The following PROM1 variants were observed in gnomAD, a reference collection of about 807,000 sequenced individuals.
The protein encoded by PROM1 is prominin 1.
A neutral mutation model predicts 116.9 loss-of-function variants in PROM1; 105 were observed. The observed-to-expected ratio is 0.90, with a 90% CI of 0.77 to 1.06. PROM1 has a LOEUF of 1.06. Among genes scored for constraint, PROM1 ranks in the 50% least tolerant of loss-of-function variants. PROM1 has a pLI of 0.00. For synonymous variants in PROM1, 393 were observed against 387.0 expected (o/e 1.02, Z -0.18); for missense variants, 1,122 against 1,045.2 (o/e 1.07, Z -1.01).
Position 16,013,130 on chromosome 4 carries a change from T to C in PROM1, c.1141+145A>G, listed in dbSNP as rs538432742. ...GTTTTTAACTGTCCGAATGACACAA[T>C]TGTAAAGCTCTGATATTTGTTTAGT... On this transcript the variant is annotated intron_variant, in intron 11 of 27. Coordinates refer to ENST00000447510, the MANE Select transcript of PROM1 (RefSeq NM_006017.3). The C allele has an allele frequency of 2.9e-3, 1,906 of 657,624 alleles. 28 individuals are homozygous for C. The highest frequency in any genetic ancestry group is 0.013 in the South Asian group (609 of 46,822). 40.7% of individuals were successfully genotyped at this position (657,624 alleles called of 1,614,324 possible). A position where few individuals can be genotyped will look rare whatever the true frequency, so the allele number is the denominator to read the frequency against.
intron 2 of PROM1, among the ~76,000 whole-genome samples, chr4:16,075,221 T>G (rs1743697645): frequency 6.6e-6 from 1 of 152,196 alleles, no homozygotes. Flanking sequence ...TAAACATGTT[T>G]GTCCTTACCC....
intron 5 of PROM1, among the ~76,000 whole-genome samples, chr4:16,030,978 G>A (rs909893150): frequency 2.6e-5 from 4 of 152,202 alleles, no homozygotes; most frequent in Non-Finnish European, 4.4e-5. Flanking sequence ...CCCGGGAGGC[G>A]GAGGTTGGAG....
chr4:15,973,557 T>A (rs1715236660), intron 26 of PROM1, among the ~76,000 whole-genome samples: 1 of 152,164 alleles, frequency 6.6e-6, no homozygotes, highest in Admixed American at 6.5e-5. Context: ...CCCCATGGTG[T>A]TTTTTTCTCC....
intron 13 of PROM1, among the ~76,000 whole-genome samples, chr4:16,005,872 C>T (rs542570492): frequency 1.3e-5 from 2 of 152,340 alleles, no homozygotes; most frequent in South Asian, 2.1e-4. Flanking sequence ...GCTCTGGCCC[C>T]GGTTGCACCT....
At chr4:15,977,651 T>G (rs1361158803) in intron 26 of PROM1, among the ~76,000 whole-genome samples, 1 of 152,230 alleles carries the variant, frequency 6.6e-6, no homozygotes, top group Admixed American at 6.5e-5. Context: ...CAGGCTGGAA[T>G]GCAGTGGCAC....
chr4:16,035,764 G>A lies in PROM1; in HGVS notation c.277-3C>T, dbSNP rs771004031. On this transcript the variant is annotated splice_polypyrimidine_tract_variant and splice_region_variant and intron_variant, in intron 3 of 27. Coordinates refer to ENST00000447510, the MANE Select transcript of PROM1 (RefSeq NM_006017.3). ...AGACCTAAGATTACAGTTTCTGGCT[G>A]TAGAAGTCAACGCAGGTGAGGAATT... 1.9e-6 allele frequency: 3 copies of A among 1,613,424 alleles called. No individual in the cohort carries two copies. Among genetic ancestry groups the A allele is most frequent in the Non-Finnish European group, 2.5e-6 (3 of 1,179,494 alleles).
chr4:15,990,499 C>G (rs73122437), intron 18 of PROM1, among the ~76,000 whole-genome samples: 1,543 of 152,282 alleles, frequency 0.01, 38 homozygotes, highest in African/African-American at 0.035. Context: ...CCCACAGCCC[C>G]AGGTACTATT....
At chr4:16,042,179 G>T (rs1374061032) in intron 2 of PROM1, among the ~76,000 whole-genome samples, 1 of 152,144 alleles carries the variant, frequency 6.6e-6, no homozygotes, top group Non-Finnish European at 1.5e-5. Context: ...AGGATTTGTT[G>T]CCAATGATAA....
intron 2 of PROM1, among the ~76,000 whole-genome samples, chr4:16,063,648 A>G (rs1178056745): frequency 6.6e-6 from 1 of 152,230 alleles, no homozygotes; most frequent in African/African-American, 2.4e-5. Context: ...ACCAATTACA[A>G]TGTATGGACG....
chr4:15,992,538 A>G, intron 16 of PROM1, 147 bp from the exon 17 acceptor site: 1 of 784,730 alleles, frequency 1.3e-6, no homozygotes, highest in Non-Finnish European at 1.9e-6. Flanking sequence ...GGATCGCTTG[A>G]GCTCAGGAGT....
rs140856685 is a variant in PROM1 at position 16,051,686 on chromosome 4, G to A, written c.221-12685C>T. Among the ~76,000 whole-genome samples, 8 of 152,290 alleles carry A rather than the reference G, an allele frequency of 5.3e-5. No individual in the cohort carries two copies. In the East Asian group the frequency reaches 1.5e-3, roughly 29 times the overall value. ...TTGTGCCCAACAGCAGAGCCACTAA[G>A]GCTGCCTGGTCAGGTGGTCAAGACC... On this transcript the variant is annotated intron_variant, in intron 2 of 27. Coordinates refer to ENST00000447510, the MANE Select transcript of PROM1 (RefSeq NM_006017.3).
intron 5 of PROM1, among the ~76,000 whole-genome samples, chr4:16,029,494 C>T (rs955427769): frequency 6.6e-5 from 10 of 151,960 alleles, no homozygotes; most frequent in South Asian, 2.1e-4. Context: ...GGTGGAAATT[C>T]GATCTTGTGC....
At chr4:16,014,664 T>C (rs1252950049) in intron 10 of PROM1, among the ~76,000 whole-genome samples, 2 of 152,194 alleles carry the variant, frequency 1.3e-5, no homozygotes, top group Non-Finnish European at 2.9e-5. Flanking sequence ...GTTCCAATAA[T>C]AGAACACTAG....
rs151238489 is a variant in PROM1, at chr4:16,013,388, A to T, written c.1078-50T>A. Reference sequence around the variant, plus strand: ...GATGTACACAGTTAAGTCAAAGACTAGTTGACTAGTCACTCATTTTGCAAC... The same window carrying T: ...GATGTACACAGTTAAGTCAAAGACTTGTTGACTAGTCACTCATTTTGCAAC... On this transcript the variant is annotated intron_variant, in intron 10 of 27. Transcript: ENST00000447510. 517 of 1,319,808 alleles carry T rather than the reference A, an allele frequency of 3.9e-4. 3 individuals are homozygous for T. The East Asian group carries it at 0.011, about 28-fold the overall frequency. 81.8% of individuals were successfully genotyped at this position (1,319,808 alleles called of 1,614,324 possible).
chr4:16,032,547 T>C (rs1198392451), intron 5 of PROM1, among the ~76,000 whole-genome samples: 1 of 152,236 alleles, frequency 6.6e-6, no homozygotes, highest in Non-Finnish European at 1.5e-5. Context: ...CATTGATTTC[T>C]GCTGCTGCAT....
At chr4:16,065,768 A>G (rs1213262240) in intron 2 of PROM1, among the ~76,000 whole-genome samples, 2 of 152,242 alleles carry the variant, frequency 1.3e-5, no homozygotes, top group Admixed American at 6.5e-5. Flanking sequence ...GAAAAACTAA[A>G]TAAGAATATA....
chr4:16,034,548 G>A (rs1166329535), intron 4 of PROM1, among the ~76,000 whole-genome samples: 1 of 152,098 alleles, frequency 6.6e-6, no homozygotes, highest in Non-Finnish European at 1.5e-5. Context: ...ACAATCATGT[G>A]ACCTAAACAT....
chr4:15,986,631 C>T (rs946385736), intron 20 of PROM1, among the ~76,000 whole-genome samples: 1 of 152,208 alleles, frequency 6.6e-6, no homozygotes, highest in East Asian at 1.9e-4. Flanking sequence ...CACCACTGCA[C>T]ACCCTCGCCC....
chr4:15,990,451 T>C (rs1444659886), intron 18 of PROM1, among the ~76,000 whole-genome samples: 1 of 152,190 alleles, frequency 6.6e-6, no homozygotes, highest in Non-Finnish European at 1.5e-5. Flanking sequence ...CCTCATCACT[T>C]ACTATTGGTA....
Sources: allele counts gnomAD v4.1 joint callset (sites outside exome capture counted in the v4.1 genomes callset), GRCh38; gene constraint gnomAD v4.1.1; transcripts MANE v1.5; gene names NCBI Gene and HGNC (gene_info 2026-07-23, HGNC 2026-07-21).